Variants in CHCHD6 observed in about 807,000 individuals in gnomAD.
The protein encoded by CHCHD6 is coiled-coil-helix-coiled-coil-helix domain containing 6.
A neutral mutation model predicts 32.3 loss-of-function variants in CHCHD6; 28 were observed. The ratio of observed to expected loss-of-function variants is 0.87; its 90% CI spans 0.64 to 1.19. The LOEUF is 1.19. Ranked by LOEUF, CHCHD6 falls within the 50% of genes most tolerant of loss-of-function variation. The probability of loss-of-function intolerance (pLI) is 0.00; values close to 1 mark genes in which losing one functional copy is unlikely to be tolerated. For synonymous variants in CHCHD6, 122 were observed against 117.5 expected, an observed-to-expected ratio of 1.04 and a Z score of -0.25; for missense variants, 333 against 307.0, an observed-to-expected ratio of 1.08 and a Z score of -0.63.
At chr3:126,778,321 G>A (rs1474408147) in intron 4 of CHCHD6, among the ~76,000 whole-genome samples, 1 of 152,166 alleles carries the variant, frequency 6.6e-6, no homozygotes, top group African/African-American at 2.4e-5. Flanking sequence ...GTAACTCTAT[G>A]TTTAACTTTC....
intron 6 of CHCHD6, among the ~76,000 whole-genome samples, chr3:126,950,721 A>T (rs2078704015): frequency 6.6e-6 from 1 of 152,014 alleles, no homozygotes; most frequent in Non-Finnish European, 1.5e-5. Context: ...AAGTGCTAGG[A>T]TTACAGGCAT....
At chr3:126,740,390 A>C (rs1004668212) in intron 4 of CHCHD6, among the ~76,000 whole-genome samples, 1 of 152,158 alleles carries the variant, frequency 6.6e-6, no homozygotes, top group Admixed American at 6.6e-5. Flanking sequence ...TGTCTCATTC[A>C]GTTCTCCTGC....
intron 4 of CHCHD6, among the ~76,000 whole-genome samples, chr3:126,759,870 G>A (rs997759064): frequency 2.0e-5 from 3 of 152,170 alleles, no homozygotes; most frequent in Non-Finnish European, 4.4e-5. Context: ...ATTGGCTTAG[G>A]TTTCTGAAGG....
intron 3 of CHCHD6, among the ~76,000 whole-genome samples, chr3:126,732,824 C>T (rs2107659416): frequency 6.6e-6 from 1 of 152,330 alleles, no homozygotes; most frequent in Middle Eastern, 3.4e-3. Flanking sequence ...GCCAGGTCTC[C>T]TCCTGTTCCT....
intron 5 of CHCHD6, among the ~76,000 whole-genome samples, chr3:126,863,904 C>T (rs1378352474): frequency 6.9e-6 from 1 of 145,332 alleles, no homozygotes; most frequent in East Asian, 2.1e-4. Flanking sequence ...CCATCAACAC[C>T]TCCTCCTCCT....
chr3:126,889,889 G>C (rs920480451), intron 5 of CHCHD6, among the ~76,000 whole-genome samples: 1 of 152,228 alleles, frequency 6.6e-6, no homozygotes, highest in Non-Finnish European at 1.5e-5. Context: ...AGATGTGAGG[G>C]TGGCCCCTGC....
intron 5 of CHCHD6, among the ~76,000 whole-genome samples, chr3:126,885,628 AAAATT>A (rs1315839966): frequency 6.6e-6 from 1 of 152,234 alleles, no homozygotes; most frequent in Non-Finnish European, 1.5e-5. Flanking sequence ...ATTAATTTGT[AAAATT>A]TCAGGAAGGT....
At chr3:126,956,541 G>T (rs1327308992) in intron 6 of CHCHD6, among the ~76,000 whole-genome samples, 2 of 144,338 alleles carry the variant, frequency 1.4e-5, no homozygotes, top group African/African-American at 2.5e-5. Flanking sequence ...GCAGCCGGAG[G>T]ACAGCACCTG....
chr3:126,767,320 C>T, intron 4 of CHCHD6: 2 of 1,031,912 alleles, frequency 1.9e-6, no homozygotes, highest in East Asian at 2.4e-5. Context: ...ACACGGAGCC[C>T]ATTTCCATCA....
intron 4 of CHCHD6, among the ~76,000 whole-genome samples, chr3:126,754,278 A>G (rs1411554587): frequency 6.6e-6 from 1 of 152,228 alleles, no homozygotes; most frequent in Non-Finnish European, 1.5e-5. Context: ...TTGACTTCAC[A>G]GGGTTGTTGC....
chr3:126,893,370 T>C (rs1404193732), intron 5 of CHCHD6, among the ~76,000 whole-genome samples: 1 of 152,222 alleles, frequency 6.6e-6, no homozygotes, highest in Non-Finnish European at 1.5e-5. Context: ...GTCATTGAGG[T>C]GTCTCATAGC....
At chr3:126,920,610 A>G (rs2107593630) in intron 6 of CHCHD6, among the ~76,000 whole-genome samples, 1 of 152,298 alleles carries the variant, frequency 6.6e-6, no homozygotes, top group East Asian at 1.9e-4. Context: ...AAATGTTTTA[A>G]AAGAAGAAAA....
intron 4 of CHCHD6, among the ~76,000 whole-genome samples, chr3:126,828,363 T>C (rs1037988442): frequency 1.3e-5 from 2 of 152,242 alleles, no homozygotes; most frequent in Non-Finnish European, 2.9e-5. Flanking sequence ...CTGTTTTTTG[T>C]CCTGACTGGG....
chr3:126,901,001 G>A (rs560132451), intron 5 of CHCHD6, among the ~76,000 whole-genome samples: 1 of 152,144 alleles, frequency 6.6e-6, no homozygotes, highest in Non-Finnish European at 1.5e-5. Flanking sequence ...CCCTCATGAT[G>A]CAAACACCCC....
chr3:126,835,480 G>T (rs1940819347), intron 4 of CHCHD6, among the ~76,000 whole-genome samples: 1 of 152,206 alleles, frequency 6.6e-6, no homozygotes, highest in Admixed American at 6.5e-5. Context: ...TCAGAGTGGG[G>T]CTGGGAGGAG....
At chr3:126,770,262 C>T (rs1395118113) in intron 4 of CHCHD6, among the ~76,000 whole-genome samples, 2 of 152,100 alleles carry the variant, frequency 1.3e-5, no homozygotes, top group Non-Finnish European at 2.9e-5. Flanking sequence ...GATATAAAAT[C>T]ATGTTGTCTG....
chr3:126,908,627 T>C (rs1160322680), intron 5 of CHCHD6, among the ~76,000 whole-genome samples: 1 of 152,128 alleles, frequency 6.6e-6, no homozygotes, highest in East Asian at 1.9e-4. Context: ...AAAGTCCCTA[T>C]CTGTGTGGAG....
intron 6 of CHCHD6, chr3:126,953,169 C>T: frequency 1.0e-6 from 1 of 982,232 alleles, no homozygotes; most frequent in East Asian, 1.1e-4. Flanking sequence ...GTGACAAAGC[C>T]AGCGCCTTGC....
intron 6 of CHCHD6, among the ~76,000 whole-genome samples, chr3:126,940,116 A>C (rs1422120100): frequency 6.6e-6 from 1 of 152,252 alleles, no homozygotes; most frequent in African/African-American, 2.4e-5. Flanking sequence ...TTCAAAAGGA[A>C]AAAGTTTCGT....
Sources: allele counts gnomAD v4.1 joint callset (sites outside exome capture counted in the v4.1 genomes callset), GRCh38; gene constraint gnomAD v4.1.1; transcripts MANE v1.5; gene names NCBI Gene and HGNC (gene_info 2026-07-23, HGNC 2026-07-21).